THOC7: variants seen among roughly 807,000 people sequenced by gnomAD.
THOC7 encodes THO complex subunit 7, also known as NIF3L1-binding protein 1.
In THOC7, 22 loss-of-function variants were observed where a neutral mutation model predicts 33.1. The observed-to-expected ratio is 0.66, with a 90% confidence interval of 0.47 to 0.95. THOC7 has a LOEUF of 0.95. Among genes scored for constraint, THOC7 ranks in the 40% least tolerant of loss-of-function variants. The probability of loss-of-function intolerance (pLI) is 0.00; values close to 1 mark genes in which losing one functional copy is unlikely to be tolerated. For missense variants in THOC7, 184 were observed against 245.3 expected, an observed-to-expected ratio of 0.75 and a Z score of 1.67; for synonymous variants, 77 against 76.8, an observed-to-expected ratio of 1.00 and a Z score of -0.01.
At chr3:63,863,985 C>G (rs1483210388), upstream of THOC7, 1 of 149,114 alleles carries the variant, frequency 6.7e-6, no homozygotes, top group African/African-American at 2.5e-5. Context: ...CCGCGGGACC[C>G]GCGCTCCCCG....
At chr3:63,863,365 A>T in intron 1 of THOC7, 1 of 862,068 alleles carries the variant, frequency 1.2e-6, no homozygotes, top group Non-Finnish European at 1.4e-6. Context: ...ACCACTGTCC[A>T]CCCTTCGCGG....
intron 1 of THOC7, among the ~76,000 whole-genome samples, chr3:63,850,813 C>A (rs942541296): frequency 6.6e-6 from 1 of 151,918 alleles, no homozygotes; most frequent in African/African-American, 2.4e-5. Context: ...CTCAAAAACT[C>A]GTGACCTCAG....
chr3:63,838,247 G>T, intron 3 of THOC7, 125 bp downstream of exon 3: 1 of 916,162 alleles, frequency 1.1e-6, no homozygotes, highest in Non-Finnish European at 1.6e-6. Context: ...AACATTTACT[G>T]TATTCTTTCC....
chr3:63,841,393 T>A (rs937981115), intron 1 of THOC7, among the ~76,000 whole-genome samples: 1 of 152,198 alleles, frequency 6.6e-6, no homozygotes, highest in African/African-American at 2.4e-5. Context: ...TTTTTTATAG[T>A]ACGCAGTAAT....
At chr3:63,856,228 T>C (rs995826547) in intron 1 of THOC7, among the ~76,000 whole-genome samples, 5 of 151,242 alleles carry the variant, frequency 3.3e-5, no homozygotes, top group African/African-American at 9.7e-5. Flanking sequence ...AAAATAGAGA[T>C]GGTTACGAGA....
chr3:63,850,910 T>C (rs991000804), intron 1 of THOC7, among the ~76,000 whole-genome samples: 5 of 152,160 alleles, frequency 3.3e-5, no homozygotes, highest in African/African-American at 7.2e-5. Flanking sequence ...AAGATAGTCA[T>C]GGGAGGCTAG....
At chr3:63,846,850 G>A (rs923403757) in intron 1 of THOC7, among the ~76,000 whole-genome samples, 6 of 152,050 alleles carry the variant, frequency 3.9e-5, no homozygotes, top group Admixed American at 1.3e-4. Context: ...AACAAGTCCC[G>A]TCCGATCTAC....
At chr3:63,851,401 G>A (rs1702018204) in intron 1 of THOC7, among the ~76,000 whole-genome samples, 1 of 152,108 alleles carries the variant, frequency 6.6e-6, no homozygotes, top group Non-Finnish European at 1.5e-5. Flanking sequence ...AATTACAGGA[G>A]GCCATTGTTT....
At chr3:63,846,245 TA>T (rs1298844504) in intron 1 of THOC7, 1 of 447,720 alleles carries the variant, frequency 2.2e-6, no homozygotes, top group African/African-American at 2.0e-5. Flanking sequence ...ACAGTTTCCT[TA>T]TAAGAGAATC....
At chr3:63,862,351 C>A (rs1277647900) in intron 1 of THOC7, among the ~76,000 whole-genome samples, 1 of 152,176 alleles carries the variant, frequency 6.6e-6, no homozygotes. Flanking sequence ...GATAAATAAT[C>A]TTTGTTACAT....
At chr3:63,839,249 C>T (rs544126746) in intron 2 of THOC7, among the ~76,000 whole-genome samples, 5 of 152,224 alleles carry the variant, frequency 3.3e-5, no homozygotes, top group Admixed American at 6.5e-5. Flanking sequence ...CAAAAGTAAT[C>T]GTGGTTTCTG....
At chr3:63,841,394 A>G (rs1673605204) in intron 1 of THOC7, among the ~76,000 whole-genome samples, 1 of 152,142 alleles carries the variant, frequency 6.6e-6, no homozygotes, top group Non-Finnish European at 1.5e-5. Context: ...TTTTTATAGT[A>G]CGCAGTAATT....
chr3:63,838,363 AT>A lies in THOC7; in HGVS notation c.265+8del. Reference sequence around the variant, plus strand: ...TAAAATTACAGATAGAAACATTAAGATTCTTTACCTATTTCCTTGTAAATTT... The same window carrying A: ...TAAAATTACAGATAGAAACATTAAGATCTTTACCTATTTCCTTGTAAATTT... On this transcript the variant is annotated splice_region_variant and intron_variant, in intron 3 of 7. Transcript: ENST00000295899. The A allele has an allele frequency of 6.9e-7, 1 of 1,446,796 alleles. No individual in the cohort carries two copies. Among genetic ancestry groups the A allele is most frequent in the Non-Finnish European group, 9.5e-7 (1 of 1,048,244 alleles). The allele number at this position is 1,446,796 out of a possible 1,614,324, so 89.6% of individuals were successfully genotyped here.
chr3:63,848,063 A>G (rs890094362), intron 1 of THOC7, among the ~76,000 whole-genome samples: 2 of 152,176 alleles, frequency 1.3e-5, no homozygotes, highest in African/African-American at 2.4e-5. Flanking sequence ...GATACATCAC[A>G]TGACAGCAGA....
intron 1 of THOC7, among the ~76,000 whole-genome samples, chr3:63,850,249 A>G (rs1172492670): frequency 1.3e-5 from 2 of 152,072 alleles, no homozygotes; most frequent in Non-Finnish European, 2.9e-5. Context: ...TGCCCAGGCT[A>G]GAGTGCGGTG....
intron 1 of THOC7, among the ~76,000 whole-genome samples, chr3:63,849,393 A>G (rs1452251355): frequency 6.6e-6 from 1 of 152,064 alleles, no homozygotes; most frequent in African/African-American, 2.4e-5. Context: ...ATCTCAAAAA[A>G]ACAAGAATGC....
At chr3:63,843,887 T>C (rs912766130) in intron 1 of THOC7, among the ~76,000 whole-genome samples, 4 of 150,482 alleles carry the variant, frequency 2.7e-5, no homozygotes, top group South Asian at 2.1e-4. Flanking sequence ...GGCGACAGAG[T>C]GAGACTCCGT....
intron 7 of THOC7, among the ~76,000 whole-genome samples, chr3:63,834,643 G>C (rs1055154372): frequency 2.7e-5 from 4 of 149,992 alleles, no homozygotes; most frequent in African/African-American, 9.8e-5. Flanking sequence ...CTGGGTGACA[G>C]AGCAAGACTG....
At chr3:63,861,085 G>C (rs1702201740) in intron 1 of THOC7, 1 of 152,158 alleles carries the variant, frequency 6.6e-6, no homozygotes, top group South Asian at 2.1e-4. Flanking sequence ...TTATGTGTTG[G>C]ACTCAATGCA....
Sources: gnomAD v4.1 joint callset for allele counts (sites outside exome capture counted in the v4.1 genomes callset) on GRCh38, gnomAD v4.1.1 for gene constraint, MANE v1.5 for transcripts, NCBI Gene and HGNC (gene_info 2026-07-23, HGNC 2026-07-21) for gene names.